MACROD2: variants seen among roughly 807,000 people sequenced by gnomAD.
The protein encoded by MACROD2 is ADP-ribose glycohydrolase MACROD2.
MACROD2 carries 36 observed loss-of-function variants against 70.4 expected under a neutral mutation model. That is an observed-to-expected ratio of 0.51 (90% CI 0.39 to 0.68). The LOEUF is 0.68. Ranked by LOEUF, MACROD2 falls within the 30% of genes least tolerant of loss-of-function variation. The pLI, the probability that MACROD2 is intolerant of heterozygous loss-of-function variation, is 0.00. For synonymous variants in MACROD2, 172 were observed against 178.8 expected, an observed-to-expected ratio of 0.96 and a Z score of 0.30; for missense variants, 496 against 538.4, an observed-to-expected ratio of 0.92 and a Z score of 0.78.
At chr20:14,021,479 T>TA (rs777611295) in intron 2 of MACROD2, among the ~76,000 whole-genome samples, 1 of 152,176 alleles carries the variant, frequency 6.6e-6, no homozygotes, top group Non-Finnish European at 1.5e-5. Flanking sequence ...CTCAGGCCTT[T>TA]AGGTATCCCC....
intron 6 of MACROD2, among the ~76,000 whole-genome samples, chr20:15,417,406 C>T (rs1233483207): frequency 1.3e-5 from 2 of 151,492 alleles, no homozygotes; most frequent in East Asian, 3.9e-4. Context: ...GCCTGGACAA[C>T]ACAGCAAGAC....
chr20:14,243,855 A>G (rs1239651471), intron 3 of MACROD2, among the ~76,000 whole-genome samples: 2 of 152,212 alleles, frequency 1.3e-5, no homozygotes, highest in African/African-American at 4.8e-5. Context: ...AGCTCATGGA[A>G]ACTCTGAAAT....
intron 5 of MACROD2, among the ~76,000 whole-genome samples, chr20:14,834,614 A>G (rs573544345): frequency 6.6e-6 from 1 of 152,196 alleles, no homozygotes; most frequent in African/African-American, 2.4e-5. Context: ...AGATACTTCA[A>G]AATATATTAG....
intron 3 of MACROD2, among the ~76,000 whole-genome samples, chr20:14,207,288 G>A (rs1230582179): frequency 1.3e-5 from 2 of 152,006 alleles, no homozygotes; most frequent in Non-Finnish European, 2.9e-5. Context: ...TTTTAGTAGA[G>A]ACGGGGTTTC....
At chr20:14,390,011 C>T (rs2083510201) in intron 3 of MACROD2, among the ~76,000 whole-genome samples, 1 of 152,118 alleles carries the variant, frequency 6.6e-6, no homozygotes, top group Admixed American at 6.6e-5. Context: ...ATAGTCTTAG[C>T]CCAAAACTTC....
At chr20:15,529,278 G>A (rs535805690) in intron 8 of MACROD2, among the ~76,000 whole-genome samples, 10 of 151,386 alleles carry the variant, frequency 6.6e-5, no homozygotes, top group Non-Finnish European at 1.3e-4. Context: ...ATGCGTGTGT[G>A]TGTGTGTGCA....
rs56752104 is a variant in MACROD2, at chr20:15,206,721, G to GTTTTTTTTTTTTTTTTTTT, written c.419-23211_419-23193dup. Among the ~76,000 whole-genome samples the GTTTTTTTTTTTTTTTTTTT allele has an allele frequency of 5.3e-3, 174 of 33,002 alleles. 64 individuals are homozygous for GTTTTTTTTTTTTTTTTTTT. Among genetic ancestry groups the GTTTTTTTTTTTTTTTTTTT allele is most frequent in the Non-Finnish European group, 5.9e-3 (116 of 19,672 alleles). 21.7% of individuals were successfully genotyped at this position (33,002 alleles called of 152,430 possible). ...GCATGAAGTCTTTCATATTATCTAT[G>GTTTTTTTTTTTTTTTTTTT]TTTTTTTTTTTTTTTTTTTTTTTTT... On this transcript the variant is annotated intron_variant, in intron 5 of 17. Transcript: ENST00000684519.
chr20:14,614,788 C>T (rs1983378991), intron 4 of MACROD2, among the ~76,000 whole-genome samples: 1 of 152,118 alleles, frequency 6.6e-6, no homozygotes. Flanking sequence ...TGATGCTAAA[C>T]ACTGCAGGCA....
At chr20:15,875,295 A>T (rs1000391505) in intron 9 of MACROD2, among the ~76,000 whole-genome samples, 67 of 152,284 alleles carry the variant, frequency 4.4e-4, no homozygotes, top group African/African-American at 1.5e-3. Context: ...GAAACTTCTT[A>T]CTCAGTCTGA....
intron 8 of MACROD2, among the ~76,000 whole-genome samples, chr20:15,521,527 A>G (rs2047652937): frequency 1.3e-5 from 2 of 152,230 alleles, no homozygotes; most frequent in Admixed American, 6.5e-5. Flanking sequence ...GGAGAATGCT[A>G]AAGTAACGGA....
At chr20:14,571,457 G>C (rs1183960626) in intron 4 of MACROD2, among the ~76,000 whole-genome samples, 1 of 151,966 alleles carries the variant, frequency 6.6e-6, no homozygotes, top group African/African-American at 2.4e-5. Flanking sequence ...GAGTTTCCCT[G>C]TGTGTATATA....
rs2052636380 is a variant in MACROD2, at chr20:13,995,980, C to T, written c.46+171C>T. 6.6e-6 allele frequency among the ~76,000 whole-genome samples: 1 copy of T among 152,146 alleles called. No individual in the cohort carries two copies. Among genetic ancestry groups the T allele is most frequent in the African/African-American group, 2.4e-5 (1 of 41,458 alleles). On this transcript the variant is annotated intron_variant, in intron 1 of 17. Transcript: ENST00000684519. This position sits in a 1 kb window ranked among gnomAD's most constrained non-coding sequence, Gnocchi z 4.3. The stretch of plus-strand genomic sequence containing the variant: ...GTACACACGCGCACACTCGCGCGCA[C>T]TCCGGCGTGCACGCGCCGCCCCTGG...
chr20:14,467,342 G>A (rs369358848), intron 3 of MACROD2, among the ~76,000 whole-genome samples: 7 of 152,260 alleles, frequency 4.6e-5, no homozygotes, highest in African/African-American at 9.6e-5. Flanking sequence ...AGCCAGTTGC[G>A]GGATATAATC....
chr20:14,980,353 C>A (rs1568910069), intron 5 of MACROD2, among the ~76,000 whole-genome samples: 1 of 152,056 alleles, frequency 6.6e-6, no homozygotes, highest in South Asian at 2.1e-4. Flanking sequence ...CCACATGATG[C>A]CTTGTCCCAC....
At chr20:15,497,401 C>T (rs761902143) in intron 7 of MACROD2, among the ~76,000 whole-genome samples, 1 of 151,978 alleles carries the variant, frequency 6.6e-6, no homozygotes, top group African/African-American at 2.4e-5. Flanking sequence ...CAAGCAATTC[C>T]CTGCCTCAGC....
intron 10 of MACROD2, among the ~76,000 whole-genome samples, chr20:15,928,660 G>T (rs1457202704): frequency 1.3e-5 from 2 of 152,192 alleles, no homozygotes; most frequent in Non-Finnish European, 2.9e-5. Context: ...AATGAAGTTT[G>T]ATAACCTTTG....
At chr20:14,996,998 T>C (rs532523797) in intron 5 of MACROD2, among the ~76,000 whole-genome samples, 11 of 152,304 alleles carry the variant, frequency 7.2e-5, no homozygotes, top group African/African-American at 2.6e-4. Context: ...GGGCAAGCCC[T>C]GGTGCTGTGC....
chr20:15,593,611 G>A (rs1022831384), intron 8 of MACROD2, among the ~76,000 whole-genome samples: 1 of 152,186 alleles, frequency 6.6e-6, no homozygotes, highest in Non-Finnish European at 1.5e-5. Context: ...TCAGATCTGT[G>A]CAGACTTTGT....
chr20:15,083,582 CCA>C (rs1404875980), intron 5 of MACROD2, among the ~76,000 whole-genome samples: 2 of 150,690 alleles, frequency 1.3e-5, no homozygotes, highest in Non-Finnish European at 3.0e-5. Flanking sequence ...TATTTTCCCT[CCA>C]CATCAACAAT....
Sources: allele counts gnomAD v4.1 joint callset (sites outside exome capture counted in the v4.1 genomes callset), GRCh38; gene constraint gnomAD v4.1.1; non-coding constraint Gnocchi (gnomAD v3.1); transcripts MANE v1.5; gene names NCBI Gene and HGNC (gene_info 2026-07-23, HGNC 2026-07-21).